The following LARS2 variants were observed in gnomAD, a reference collection of about 807,000 sequenced individuals.
LARS2 encodes leucyl-tRNA synthetase 2, mitochondrial.
Under a neutral mutation model 116.6 loss-of-function variants are expected in LARS2, and 81 were observed. The observed-to-expected ratio is 0.69, with a 90% CI of 0.58 to 0.84. The LOEUF (loss-of-function observed/expected upper bound fraction) is 0.84. LARS2 is among the 40% of genes least tolerant of loss of function. The probability of loss-of-function intolerance (pLI) is 0.00; values close to 1 mark genes in which losing one functional copy is unlikely to be tolerated. For missense variants in LARS2, 968 were observed against 1,114.5 expected (o/e 0.87, Z 1.87); for synonymous variants, 396 against 407.2 (o/e 0.97, Z 0.33).
chr3:45,469,337 A>G (rs1438236996), intron 8 of LARS2, among the ~76,000 whole-genome samples: 2 of 151,956 alleles, frequency 1.3e-5, no homozygotes, highest in African/African-American at 4.8e-5. Context: ...ATCATGCCAA[A>G]TGGGTTTTCT....
chr3:45,411,408 A>G (rs2125682207), intron 4 of LARS2, among the ~76,000 whole-genome samples: 1 of 152,368 alleles, frequency 6.6e-6, no homozygotes, highest in South Asian at 2.1e-4. Context: ...GATAAACTGC[A>G]TTCCTTTGTA....
chr3:45,514,505 G>A (rs1700342119), intron 16 of LARS2, among the ~76,000 whole-genome samples: 1 of 152,196 alleles, frequency 6.6e-6, no homozygotes, highest in African/African-American at 2.4e-5. Context: ...CTCCAGCATG[G>A]ATGACAGAGG....
At chr3:45,441,773 CAG>C (rs1440255850) in intron 6 of LARS2, among the ~76,000 whole-genome samples, 4 of 152,246 alleles carry the variant, frequency 2.6e-5, no homozygotes, top group East Asian at 1.9e-4. Context: ...TTAATTTGTG[CAG>C]AGTCATTGAG....
At chr3:45,455,550 T>C (rs1403690322) in intron 7 of LARS2, among the ~76,000 whole-genome samples, 1 of 152,110 alleles carries the variant, frequency 6.6e-6, no homozygotes, top group African/African-American at 2.4e-5. Flanking sequence ...GGTAGAAATG[T>C]AAATTGCTAT....
chr3:45,497,421 G>A (rs1023146150), intron 14 of LARS2, among the ~76,000 whole-genome samples: 2 of 152,066 alleles, frequency 1.3e-5, no homozygotes, highest in African/African-American at 4.8e-5. Flanking sequence ...TGCTTAAAAG[G>A]GCCTTGCCTA....
chr3:45,414,743 A>G (rs572869501), intron 4 of LARS2, among the ~76,000 whole-genome samples: 2 of 152,006 alleles, frequency 1.3e-5, no homozygotes, highest in African/African-American at 4.8e-5. Flanking sequence ...AAAAAAAAAA[A>G]GGCAGCAAAA....
chr3:45,497,269 T>G (rs1420933141), intron 14 of LARS2, among the ~76,000 whole-genome samples: 1 of 151,978 alleles, frequency 6.6e-6, no homozygotes, highest in African/African-American at 2.4e-5. Context: ...ATTTTTAAGC[T>G]GTATTCATGT....
chr3:45,471,456 C>T (rs1015887745), intron 8 of LARS2, among the ~76,000 whole-genome samples: 4 of 152,222 alleles, frequency 2.6e-5, no homozygotes, highest in African/African-American at 9.6e-5. Context: ...CTGTCATCCT[C>T]ATCAAGATCT....
chr3:45,482,140 C>G (rs1008118071), intron 10 of LARS2, among the ~76,000 whole-genome samples: 1 of 152,220 alleles, frequency 6.6e-6, no homozygotes, highest in Non-Finnish European at 1.5e-5. Context: ...TTCTGGCCTT[C>G]ACTTAATATG....
chr3:45,445,384 A>C (rs539994442), intron 6 of LARS2, among the ~76,000 whole-genome samples: 1 of 152,326 alleles, frequency 6.6e-6, no homozygotes, highest in South Asian at 2.1e-4. Context: ...GCTGTGGAGG[A>C]AAAGATGATG....
chr3:45,465,224 CCTT>C (rs1271967048), intron 8 of LARS2, among the ~76,000 whole-genome samples: 2 of 152,178 alleles, frequency 1.3e-5, no homozygotes, highest in Non-Finnish European at 2.9e-5. Flanking sequence ...AAATTCTGCT[CCTT>C]CTTACATAAT....
At chr3:45,483,291 A>G (rs1179897955) in intron 10 of LARS2, among the ~76,000 whole-genome samples, 2 of 152,160 alleles carry the variant, frequency 1.3e-5, no homozygotes, top group African/African-American at 4.8e-5. Context: ...CTCACCTCCC[A>G]GCCTCCTGGT....
chr3:45,484,518 C>A (rs148691928), intron 10 of LARS2, among the ~76,000 whole-genome samples: 1 of 140,668 alleles, frequency 7.1e-6, no homozygotes, highest in Non-Finnish European at 1.5e-5. Flanking sequence ...GTAATCCCAG[C>A]GCTTTGGGAG....
In LARS2 at chr3:45,474,314, G is replaced by C; in HGVS notation, c.822G>C (p.Gly274=). The change falls in exon 9 of 22, where the codon GGG becomes GGC. Residue 274 remains glycine, a synonymous_variant. Coordinates refer to ENST00000645846, the MANE Select transcript of LARS2 (RefSeq NM_015340.4). ...AAGGCATGCAAGCCCACTGGATTGG[G>C]GACTGTGTGGGCTGCCACCTGGACT... is the stretch of plus-strand genomic sequence containing the variant. The part of the protein sequence containing the change: ...GIKGMQAHWI[G]DCVGCHLDFT... The C allele has an allele frequency of 6.2e-7, 1 of 1,610,892 alleles. No homozygotes were observed. The highest frequency in any genetic ancestry group is 8.5e-7 in the Non-Finnish European group (1 of 1,177,508).
intron 20 of LARS2, among the ~76,000 whole-genome samples, chr3:45,524,456 G>T: frequency 6.6e-6 from 1 of 152,270 alleles, no homozygotes; most frequent in East Asian, 1.9e-4. Context: ...CACTGTACAG[G>T]TGGAAATTAA....
At chr3:45,545,505 C>T (rs750657465) in intron 21 of LARS2, among the ~76,000 whole-genome samples, 39 of 152,200 alleles carry the variant, frequency 2.6e-4, no homozygotes, top group African/African-American at 7.7e-4. Context: ...ATCTCATTGG[C>T]GCTTTATGCC....
At position 45,436,517 on chromosome 3, in the gene LARS2, G is replaced by A. The variant is rs1021014952; in HGVS notation, c.517-10374G>A. ...CTAGTTAGAAAAGCCGTTTGTGGCC[G>A]GGCGCGGTGGCTCACGCCTGTAATC... On this transcript the variant is annotated intron_variant, in intron 6 of 21. Transcript: ENST00000645846. Among the ~76,000 whole-genome samples, 6 of 152,152 alleles carry A rather than the reference G, an allele frequency of 3.9e-5. No individual in the cohort carries two copies. The East Asian group carries it at 5.8e-4, about 15-fold the overall frequency.
intron 20 of LARS2, among the ~76,000 whole-genome samples, chr3:45,532,010 G>A (rs1382633056): frequency 6.6e-6 from 1 of 152,100 alleles, no homozygotes. Flanking sequence ...ACTTTAACAG[G>A]TAAAATCCTC....
At chr3:45,476,115 T>A (rs1699604947) in intron 9 of LARS2, among the ~76,000 whole-genome samples, 1 of 152,110 alleles carries the variant, frequency 6.6e-6, no homozygotes, top group South Asian at 2.1e-4. Context: ...AAATATAGCT[T>A]CTTTCTCAGA....
Sources: allele counts gnomAD v4.1 joint callset (sites outside exome capture counted in the v4.1 genomes callset), GRCh38; gene constraint gnomAD v4.1.1; transcripts MANE v1.5; gene names NCBI Gene and HGNC (gene_info 2026-07-23, HGNC 2026-07-21).